The following FREM2 variants were observed in gnomAD, a reference collection of about 807,000 sequenced individuals.
The protein encoded by FREM2 is FRAS1-related extracellular matrix protein 2.
FREM2 carries 119 observed loss-of-function variants against 219.9 expected under a neutral mutation model. The ratio of observed to expected loss-of-function variants is 0.54; its 90% CI spans 0.47 to 0.63. The LOEUF is 0.63. FREM2 is among the 30% of genes least tolerant of loss of function. The pLI, the probability that FREM2 is intolerant of heterozygous loss-of-function variation, is 0.00. For missense variants in FREM2, 4,030 were observed against 3,993.6 expected (o/e 1.01, Z -0.25); for synonymous variants, 1,562 against 1,522.8 (o/e 1.03, Z -0.60).
chr13:38,876,190 G>A, intron 19 of FREM2, 41 bp downstream of exon 19: 1 of 1,613,900 alleles, frequency 6.2e-7, no homozygotes, highest in East Asian at 2.2e-5. Flanking sequence ...TTCTGCTGCT[G>A]CCATCTGATT....
At position 38,864,323 on chromosome 13, in the gene FREM2, C is replaced by T; in HGVS notation, c.7700C>T (p.Thr2567Ile). The change falls in exon 16 of 24, where the codon ACC (threonine) becomes ATC (isoleucine). Residue 2567 changes from threonine (T) to isoleucine (I), a missense_variant. Thr to Ile is a moderately conservative substitution (Grantham distance 89, BLOSUM62 -1). Around this residue, in one of 2 missense-constraint regions of FREM2, gnomAD observed 928 missense variants for 1,042.9 expected, o/e 0.89. Coordinates refer to ENST00000280481, the MANE Select transcript of FREM2 (RefSeq NM_207361.6). ...STRELSNFEL[T>I]LSPDGTRVGN... is the part of the protein sequence containing the mutation. The stretch of plus-strand genomic sequence containing the variant: ...AGAGAGCTTTCCAACTTTGAGCTCA[C>T]CCTCAGCCCTGATGGCACAAGAGTT... The T allele has an allele frequency of 6.2e-7, 1 of 1,614,188 alleles. No individual in the cohort carries two copies. Among genetic ancestry groups the T allele is most frequent in the African/African-American group, 1.3e-5 (1 of 75,056 alleles).
intron 6 of FREM2, among the ~76,000 whole-genome samples, chr13:38,833,480 A>G (rs537326127): frequency 1.3e-4 from 20 of 152,156 alleles, no homozygotes; most frequent in African/African-American, 4.8e-4. Flanking sequence ...GAGTTATTTA[A>G]CCATCTGAGC....
chr13:38,712,243 T>A (rs1269856282), intron 2 of FREM2, among the ~76,000 whole-genome samples: 3 of 152,148 alleles, frequency 2.0e-5, no homozygotes, highest in African/African-American at 7.2e-5. Context: ...AAGCATGTGG[T>A]GTATGCACTG....
chr13:38,702,695 A>G (rs1411485636), intron 2 of FREM2, among the ~76,000 whole-genome samples: 1 of 152,154 alleles, frequency 6.6e-6, no homozygotes, highest in Non-Finnish European at 1.5e-5. Context: ...CTGGCTGGAC[A>G]TATTGAGTAG....
chr13:38,757,857 G>T (rs1015920850), intron 2 of FREM2, among the ~76,000 whole-genome samples: 2 of 152,016 alleles, frequency 1.3e-5, no homozygotes, highest in Non-Finnish European at 2.9e-5. Flanking sequence ...CAAAGTGCTG[G>T]GATTACAGGC....
At chr13:38,725,191 G>A (rs143370671) in intron 2 of FREM2, among the ~76,000 whole-genome samples, 58 of 152,152 alleles carry the variant, frequency 3.8e-4, no homozygotes, top group Non-Finnish European at 6.3e-4. Context: ...TCATTTATTC[G>A]TTCATTGCTC....
At chr13:38,716,318 A>G (rs921491998) in intron 2 of FREM2, among the ~76,000 whole-genome samples, 3 of 152,140 alleles carry the variant, frequency 2.0e-5, no homozygotes, top group African/African-American at 7.2e-5. Flanking sequence ...TCATTTCAAA[A>G]TAGGTACTTA....
In FREM2 at chr13:38,880,704, G is replaced by C. The variant is rs1424371843; in HGVS notation, c.9427G>C (p.Gly3143Arg). The C allele has an allele frequency of 6.2e-7, 1 of 1,614,074 alleles. No homozygotes were observed. Among genetic ancestry groups the C allele is most frequent in the Non-Finnish European group, 8.5e-7 (1 of 1,180,040 alleles). ...GTGCAGGGGCAAGGAAAGTTTCAGG[G>C]GGAAGGATGCCCCGAAAGGCTCCAG... is the stretch of plus-strand genomic sequence containing the variant. Reference protein sequence around the residue: ...LMCRGKESFRGKDAPKGSSSS... With the variant: ...LMCRGKESFRRKDAPKGSSSS... Residue 3143 changes from glycine (G) to arginine (R), a missense_variant, in exon 24 of 24, where the codon GGG becomes CGG. By Grantham distance (125) the Gly-to-Arg change is moderately radical. This residue lies in a region of FREM2 where 928 missense variants were observed against 1,042.9 expected (regional missense o/e 0.89). Transcript: ENST00000280481.
intron 14 of FREM2, among the ~76,000 whole-genome samples, chr13:38,860,993 G>T (rs1470724384): frequency 6.6e-6 from 1 of 152,154 alleles, no homozygotes; most frequent in African/African-American, 2.4e-5. Context: ...TATAAGTAAT[G>T]TAAACATAAC....
chr13:38,880,714 C>T lies in FREM2; in HGVS notation c.9437C>T (p.Ala3146Val). The T allele has an allele frequency of 6.2e-7, 1 of 1,614,134 alleles. No individual in the cohort carries two copies. Residue 3146 changes from alanine to valine, a missense_variant, in exon 24 of 24, where the codon GCC becomes GTC. Ala to Val is a moderately conservative substitution (Grantham distance 64). Around this residue, in one of 2 missense-constraint regions of FREM2, gnomAD observed 928 missense variants for 1,042.9 expected, o/e 0.89. Transcript: ENST00000280481. Reference protein sequence around the residue: ...RGKESFRGKDAPKGSSSSEPM... With the variant: ...RGKESFRGKDVPKGSSSSEPM... Reference sequence around the variant, plus strand: ...AAGGAAAGTTTCAGGGGGAAGGATGCCCCGAAAGGCTCCAGCAGCAGTGAG... The same window carrying T: ...AAGGAAAGTTTCAGGGGGAAGGATGTCCCGAAAGGCTCCAGCAGCAGTGAG...
chr13:38,736,346 C>A (rs572727272), intron 2 of FREM2, among the ~76,000 whole-genome samples: 1 of 152,132 alleles, frequency 6.6e-6, no homozygotes, highest in Non-Finnish European at 1.5e-5. Flanking sequence ...GAGAGGCTTA[C>A]GTATGAAGGG....
At chr13:38,715,533 G>A (rs1337528589) in intron 2 of FREM2, among the ~76,000 whole-genome samples, 2 of 151,590 alleles carry the variant, frequency 1.3e-5, no homozygotes, top group African/African-American at 2.4e-5. Flanking sequence ...GACCTGATTC[G>A]TTTCCAGATC....
intron 4 of FREM2, among the ~76,000 whole-genome samples, chr13:38,770,485 G>A (rs1873618857): frequency 6.6e-6 from 1 of 151,808 alleles, no homozygotes; most frequent in Non-Finnish European, 1.5e-5. Flanking sequence ...TCACTTTTTG[G>A]AGTCCTTTAA....
At chr13:38,852,695 T>C (rs1877414391) in intron 11 of FREM2, among the ~76,000 whole-genome samples, 1 of 150,806 alleles carries the variant, frequency 6.6e-6, no homozygotes. Flanking sequence ...TGTTGGGCCA[T>C]GTCACCATCT....
intron 2 of FREM2, among the ~76,000 whole-genome samples, chr13:38,710,036 C>A (rs926705950): frequency 8.5e-6 from 1 of 118,158 alleles, no homozygotes; most frequent in African/African-American, 3.0e-5. Context: ...CACACACACA[C>A]AAATTAGCCG....
intron 6 of FREM2, among the ~76,000 whole-genome samples, chr13:38,799,408 A>G (rs1265906819): frequency 2.0e-5 from 3 of 152,034 alleles, no homozygotes; most frequent in South Asian, 2.1e-4. Context: ...AGAATGTTCC[A>G]TGTAATGATG....
At chr13:38,848,977 C>A (rs1044312585) in intron 8 of FREM2, among the ~76,000 whole-genome samples, 2 of 151,998 alleles carry the variant, frequency 1.3e-5, no homozygotes, top group African/African-American at 4.8e-5. Context: ...CATGGTGTTC[C>A]CTGTATGTGT....
Position 38,844,283 on chromosome 13 carries a change from TTCTC to T in FREM2, c.6020-2282_6020-2279del, listed in dbSNP as rs369904080. Among the ~76,000 whole-genome samples the T allele has an allele frequency of 3.6e-4, 55 of 152,194 alleles. No individual in the cohort carries two copies. In the East Asian group the frequency reaches 9.5e-3, roughly 26 times the overall value. ...TGCCATGCCACCCCCGCCTCTTTCT[TTCTC>T]TCTCTCTGTCTTGCTTACGTACACA... On this transcript the variant is annotated intron_variant, in intron 6 of 23. Transcript: ENST00000280481.
intron 2 of FREM2, among the ~76,000 whole-genome samples, chr13:38,731,957 A>G (rs943393411): frequency 6.6e-6 from 1 of 152,248 alleles, no homozygotes; most frequent in Non-Finnish European, 1.5e-5. Context: ...CCTGGTATAA[A>G]AAAGATGATT....
Sources: gnomAD v4.1 joint callset for allele counts (sites outside exome capture counted in the v4.1 genomes callset) on GRCh38, gnomAD v4.1.1 for gene constraint, gnomAD v4.1.1 regional missense constraint, MANE v1.5 for transcripts, NCBI Gene and HGNC (gene_info 2026-07-23, HGNC 2026-07-21) for gene names.